Variants in AHRR observed in about 807,000 individuals in gnomAD.
AHRR encodes the protein aryl hydrocarbon receptor repressor, also known as ahR repressor.
A neutral mutation model predicts 44.0 loss-of-function variants in AHRR; 28 were observed. That is an observed-to-expected ratio of 0.64 (90% CI 0.47 to 0.87). AHRR has a LOEUF of 0.87. Among genes scored for constraint, AHRR ranks in the 40% least tolerant of loss-of-function variants. The pLI is 0.00. For missense variants in AHRR, 990 were observed against 953.9 expected, an observed-to-expected ratio of 1.04 and a Z score of -0.50; for synonymous variants, 434 against 407.0, an observed-to-expected ratio of 1.07 and a Z score of -0.80.
chr5:329,283 C>T lies in AHRR; in HGVS notation c.-11+7464C>T, dbSNP rs1343035211. On this transcript the variant is annotated intron_variant, in intron 1 of 10. Coordinates refer to ENST00000684583, the MANE Select transcript of AHRR (RefSeq NM_001377236.1). The stretch of plus-strand genomic sequence containing the variant: ...ATTGGCGCATAGCTCACTGCAACCT[C>T]GAATTCCTGGGCCCAAGAGATTGTC... 4.6e-5 allele frequency among the ~76,000 whole-genome samples: 7 copies of T among 152,156 alleles called. No homozygotes were observed. The East Asian group carries it at 7.7e-4, about 17-fold the overall frequency.
At chr5:347,122 T>C (rs1457950809) in intron 2 of AHRR, among the ~76,000 whole-genome samples, 2 of 152,218 alleles carry the variant, frequency 1.3e-5, no homozygotes, top group Non-Finnish European at 2.9e-5. Context: ...CAGATATTGG[T>C]GATTTTAATT....
At chr5:386,345 A>G (rs539020171) in intron 4 of AHRR, among the ~76,000 whole-genome samples, 218 of 152,362 alleles carry the variant, frequency 1.4e-3, no homozygotes, top group African/African-American at 5.1e-3. Flanking sequence ...GTCTGTGAAT[A>G]TGTCACTTTA....
At chr5:420,676 C>A (rs1395225073) in intron 5 of AHRR, among the ~76,000 whole-genome samples, 1 of 152,230 alleles carries the variant, frequency 6.6e-6, no homozygotes, top group African/African-American at 2.4e-5. Context: ...GTGGTGTCCA[C>A]CAGGAGGGCG....
At chr5:400,342 C>G (rs2721021) in intron 4 of AHRR, among the ~76,000 whole-genome samples, 48,646 of 151,874 alleles carry the variant, frequency 0.32, 11,336 homozygotes, top group African/African-American at 0.66. Context: ...TCCCTGCGGT[C>G]CCTGGGGGAG....
chr5:343,840 G>A (rs1742457985), intron 1 of AHRR, 53 bp from the exon 2 acceptor site: 21 of 1,549,512 alleles, frequency 1.4e-5, no homozygotes, highest in Non-Finnish European at 1.8e-5. Context: ...ATCGCGGCGG[G>A]AACAGGGCGC....
intron 3 of AHRR, among the ~76,000 whole-genome samples, chr5:360,715 T>G (rs1331975777): frequency 2.0e-5 from 3 of 152,178 alleles, no homozygotes; most frequent in African/African-American, 7.2e-5. Context: ...AAGTGATTCT[T>G]GTTATAAAGT....
Position 411,719 on chromosome 5 carries a change from G to A in AHRR, c.352-1625G>A, listed in dbSNP as rs1444202673. ...GAAAAAAGGAAAATAAAAGTACCCA[G>A]CATGGTCCAGATTTAAGGGAAATTA... On this transcript the variant is annotated intron_variant, in intron 4 of 10. Transcript: ENST00000684583. The surrounding 1 kb of genome is among the most constrained non-coding windows in gnomAD (Gnocchi z 4.2). Among the ~76,000 whole-genome samples, 2 of 152,188 alleles carry A rather than the reference G, an allele frequency of 1.3e-5. No individual in the cohort carries two copies.
chr5:333,144 G>A (rs917715923), intron 1 of AHRR, among the ~76,000 whole-genome samples: 3 of 151,926 alleles, frequency 2.0e-5, no homozygotes, highest in Admixed American at 6.6e-5. Flanking sequence ...CTGGCCTCAA[G>A]CAATCCTCCC....
chr5:402,607 G>A (rs1259746758), intron 4 of AHRR, among the ~76,000 whole-genome samples: 1 of 151,696 alleles, frequency 6.6e-6, no homozygotes, highest in East Asian at 1.9e-4. Context: ...AGGCTACATG[G>A]AGCTTCCTCA....
rs1743531655 is a variant in AHRR, at chr5:370,343, G to A, written c.245-6267G>A. ...ATTTCCTGGATCCACAGTCAGGTCA[G>A]GCAATTCTGGGGCGAGCAGGCGTCG... On this transcript the variant is annotated intron_variant, in intron 3 of 10. Transcript: ENST00000684583. The surrounding 1 kb of genome is among the most constrained non-coding windows in gnomAD (Gnocchi z 4.5). Among the ~76,000 whole-genome samples the A allele has an allele frequency of 6.6e-6, 1 of 152,224 alleles. No individual in the cohort carries two copies. The highest frequency in any genetic ancestry group is 6.5e-5 in the Admixed American group (1 of 15,290).
intron 1 of AHRR, among the ~76,000 whole-genome samples, chr5:324,864 C>T (rs1454426593): frequency 1.3e-5 from 2 of 152,198 alleles, no homozygotes; most frequent in African/African-American, 4.8e-5. Context: ...AGGGGGTAGG[C>T]AGGCCAGCTC....
chr5:390,477 A>G (rs1734365274), intron 4 of AHRR, among the ~76,000 whole-genome samples: 2 of 152,322 alleles, frequency 1.3e-5, no homozygotes, highest in South Asian at 4.1e-4. Flanking sequence ...ACGGCTCAAC[A>G]ATTAAAAGCA....
At chr5:391,324 C>T (rs61529097) in intron 4 of AHRR, among the ~76,000 whole-genome samples, 1,856 of 128,714 alleles carry the variant, frequency 0.014, 73 homozygotes, top group African/African-American at 0.05. Flanking sequence ...AGAGCGTGCA[C>T]GGGCGCAGGG....
At chr5:380,656 A>G (rs180705363) in intron 4 of AHRR, among the ~76,000 whole-genome samples, 22 of 152,298 alleles carry the variant, frequency 1.4e-4, no homozygotes, top group Non-Finnish European at 2.8e-4. Flanking sequence ...TTATTTTTCT[A>G]GGTTGACTTT....
chr5:356,448 G>A (rs1743049993), intron 3 of AHRR, among the ~76,000 whole-genome samples: 1 of 151,370 alleles, frequency 6.6e-6, no homozygotes, highest in African/African-American at 2.4e-5. Context: ...CAGGACCCCT[G>A]CAGTCAGCGA....
At chr5:410,954 C>G (rs924268678) in intron 4 of AHRR, among the ~76,000 whole-genome samples, 1 of 150,724 alleles carries the variant, frequency 6.6e-6, no homozygotes, top group African/African-American at 2.4e-5. Flanking sequence ...TCTTATTATC[C>G]TTTTAATATT....
At chr5:426,796 G>A (rs566529334) in intron 7 of AHRR, among the ~76,000 whole-genome samples, 85 of 150,716 alleles carry the variant, frequency 5.6e-4, no homozygotes, top group African/African-American at 2.0e-3. Flanking sequence ...ATAGGAAGAT[G>A]GATGGATGGA....
intron 1 of AHRR, among the ~76,000 whole-genome samples, chr5:324,645 C>T (rs749609183): frequency 6.6e-5 from 10 of 151,750 alleles, no homozygotes; most frequent in Non-Finnish European, 1.3e-4. Flanking sequence ...AAAAATTAGC[C>T]GGGTGTGGTG....
chr5:413,401 G>A lies in AHRR; in HGVS notation c.409G>A (p.Ala137Thr). 6.2e-7 allele frequency: 1 copy of A among 1,613,836 alleles called. No individual in the cohort carries two copies. Among genetic ancestry groups the A allele is most frequent in the Non-Finnish European group, 8.5e-7 (1 of 1,179,894 alleles). Residue 137 changes from alanine to threonine, a missense_variant, in exon 5 of 11, where the codon GCA becomes ACA. Ala to Thr is a moderately conservative substitution (Grantham distance 58). Coordinates refer to ENST00000684583, the MANE Select transcript of AHRR (RefSeq NM_001377236.1). ...SAEGTIFYAS[A>T]TIVDYLGFHQ... is the part of the protein sequence containing the mutation. ...AGAAGGGACGATATTTTATGCATCA[G>A]CAACGATCGTGGACTATCTGGGCTT...
Sources: allele counts gnomAD v4.1 joint callset (sites outside exome capture counted in the v4.1 genomes callset), GRCh38; gene constraint gnomAD v4.1.1; non-coding constraint Gnocchi (gnomAD v3.1); transcripts MANE v1.5; gene names NCBI Gene and HGNC (gene_info 2026-07-23, HGNC 2026-07-21).